The following NOS1AP variants were observed in gnomAD, a reference collection of about 807,000 sequenced individuals.
NOS1AP encodes the protein nitric oxide synthase 1 adaptor protein, also known as carboxyl-terminal PDZ ligand of neuronal nitric oxide synthase protein.
NOS1AP carries 21 observed loss-of-function variants against 56.2 expected under a neutral mutation model. That is an observed-to-expected ratio of 0.37 (90% CI 0.26 to 0.54). The LOEUF is 0.54. NOS1AP is among the 20% of genes least tolerant of loss of function. The pLI is 0.84. For missense variants in NOS1AP, 522 were observed against 657.8 expected (o/e 0.79, Z 2.26); for synonymous variants, 270 against 274.6 (o/e 0.98, Z 0.17).
rs1483879517 is a variant in NOS1AP at position 162,367,121 on chromosome 1, C to T, written c.1175C>T (p.Thr392Met). The T allele has an allele frequency of 5.6e-6, 9 of 1,613,752 alleles. No homozygotes were observed. In the African/African-American group the frequency reaches 8.0e-5, roughly 14 times the overall value. ...SGALPVLCDP[T>M]TPKPEDLHSP... ...GCCCTGCCCGTGCTCTGTGACCCCACGACCCCTAAGCCAGAGGACCTGCAT... is the reference window on the plus strand; with the variant it reads ...GCCCTGCCCGTGCTCTGTGACCCCATGACCCCTAAGCCAGAGGACCTGCAT... The change falls in exon 10 of 10, where the codon ACG becomes ATG. Residue 392 changes from threonine to methionine, a missense_variant. By Grantham distance (81) the Thr-to-Met change is moderately conservative. Transcript: ENST00000361897. This position sits in a 1 kb window ranked among gnomAD's most constrained non-coding sequence, Gnocchi z 6.5.
intron 3 of NOS1AP, among the ~76,000 whole-genome samples, chr1:162,294,642 A>G (rs1398656086): frequency 3.9e-5 from 6 of 152,204 alleles, no homozygotes; most frequent in Admixed American, 3.9e-4. Flanking sequence ...ATTCATAAAC[A>G]AAGAGAAGAG....
intron 2 of NOS1AP, among the ~76,000 whole-genome samples, chr1:162,214,970 A>G (rs1652510486): frequency 6.6e-6 from 1 of 152,226 alleles, no homozygotes. Context: ...AGGCTACATC[A>G]GTGAGTGGAG....
chr1:162,297,384 A>G (rs534705782), intron 3 of NOS1AP, among the ~76,000 whole-genome samples: 1 of 152,332 alleles, frequency 6.6e-6, no homozygotes, highest in South Asian at 2.1e-4. Flanking sequence ...ATGCCACCGC[A>G]GCCACTTCCT....
At chr1:162,357,206 G>C (rs1164170610) in intron 8 of NOS1AP, 70 bp downstream of exon 8, 1 of 1,562,362 alleles carries the variant, frequency 6.4e-7, no homozygotes, top group African/African-American at 1.4e-5. Context: ...CCCTAGCGAG[G>C]GGCTCAGGGC....
At position 162,217,267 on chromosome 1, in the gene NOS1AP, C is replaced by CTTTTTTTTTTTTTTTTTTTTTTTTTT. The variant is rs61378473; in HGVS notation, c.177+62805_177+62806insTTTTTTTTTTTTTTTTTTTTTTTTTT. On this transcript the variant is annotated intron_variant, in intron 2 of 9. Transcript: ENST00000361897. ...TGGGTCCTGAAACAGCTGTTGTTAG[C>CTTTTTTTTTTTTTTTTTTTTTTTTTT]TTTTTTTTTTTTTTGAGATGAAGTC... is the stretch of plus-strand genomic sequence containing the variant. Among the ~76,000 whole-genome samples the CTTTTTTTTTTTTTTTTTTTTTTTTTT allele has an allele frequency of 1.5e-3, 105 of 68,374 alleles. 29 individuals are homozygous for CTTTTTTTTTTTTTTTTTTTTTTTTTT. The highest frequency in any genetic ancestry group is 2.8e-3 in the African/African-American group (47 of 16,934). The allele number at this position is 68,374 out of a possible 152,430, so 44.9% of individuals were successfully genotyped here. A position where few individuals can be genotyped will look rare whatever the true frequency, so the allele number is the denominator to read the frequency against.
At chr1:162,356,159 G>A (rs565239969) in intron 7 of NOS1AP, among the ~76,000 whole-genome samples, 1 of 152,262 alleles carries the variant, frequency 6.6e-6, no homozygotes, top group South Asian at 2.1e-4. Flanking sequence ...TCCTCTACAA[G>A]TGGAAACAGC....
intron 2 of NOS1AP, among the ~76,000 whole-genome samples, chr1:162,286,079 C>G (rs1180941146): frequency 1.3e-5 from 2 of 152,142 alleles, no homozygotes; most frequent in Admixed American, 1.3e-4. Context: ...AGACTCAGGA[C>G]AGTAGGAAGC....
chr1:162,155,157 C>G (rs572131665), intron 2 of NOS1AP, among the ~76,000 whole-genome samples: 67 of 151,246 alleles, frequency 4.4e-4, no homozygotes, highest in African/African-American at 1.6e-3. Context: ...AGCTAGTTAA[C>G]AAAATGGTTT....
At chr1:162,190,060 C>T (rs1387654486) in intron 2 of NOS1AP, among the ~76,000 whole-genome samples, 1 of 152,090 alleles carries the variant, frequency 6.6e-6, no homozygotes, top group Non-Finnish European at 1.5e-5. Context: ...AGTTTCTCAC[C>T]CTTTTGTAAT....
intron 1 of NOS1AP, among the ~76,000 whole-genome samples, chr1:162,102,799 G>A (rs964167731): frequency 1.3e-5 from 2 of 151,948 alleles, no homozygotes; most frequent in Non-Finnish European, 2.9e-5. Flanking sequence ...TAATATTTCT[G>A]ATTGTGTTTA....
At chr1:162,088,364 T>A (rs984405113) in intron 1 of NOS1AP, among the ~76,000 whole-genome samples, 14 of 152,180 alleles carry the variant, frequency 9.2e-5, no homozygotes, top group Admixed American at 2.0e-4. Context: ...TCTTATTTCA[T>A]ATGTTCAGGC....
At chr1:162,360,156 T>C (rs1010062375) in intron 8 of NOS1AP, among the ~76,000 whole-genome samples, 1 of 152,142 alleles carries the variant, frequency 6.6e-6, no homozygotes, top group Admixed American at 6.5e-5. Context: ...GGTTCTGAGC[T>C]GGTCTCAAAG....
chr1:162,141,297 C>T (rs1649226612), intron 1 of NOS1AP, among the ~76,000 whole-genome samples: 1 of 152,202 alleles, frequency 6.6e-6, no homozygotes, highest in African/African-American at 2.4e-5. Flanking sequence ...GAAAGTGGTG[C>T]AGCTGGAATT....
At chr1:162,299,662 A>G (rs1655577444) in intron 3 of NOS1AP, among the ~76,000 whole-genome samples, 1 of 152,226 alleles carries the variant, frequency 6.6e-6, no homozygotes, top group Admixed American at 6.5e-5. Context: ...TGTCTATAAA[A>G]CAGTGTTTGA....
intron 2 of NOS1AP, among the ~76,000 whole-genome samples, chr1:162,202,566 T>A (rs2102168159): frequency 6.6e-6 from 1 of 152,270 alleles, no homozygotes; most frequent in East Asian, 1.9e-4. Flanking sequence ...TTTCCTCTAA[T>A]GTGGGCCATT....
intron 4 of NOS1AP, among the ~76,000 whole-genome samples, chr1:162,308,254 GGGAAAACA>G (rs1655907521): frequency 1.3e-5 from 2 of 152,224 alleles, no homozygotes; most frequent in Non-Finnish European, 2.9e-5. Context: ...CCCAGGTGCA[GGGAAAACA>G]GAAAGCCATC....
At chr1:162,274,730 A>G (rs17425971) in intron 2 of NOS1AP, among the ~76,000 whole-genome samples, 3,829 of 152,320 alleles carry the variant, frequency 0.025, 69 homozygotes, top group Non-Finnish European at 0.038. Context: ...GTGGGCAGAT[A>G]TAATTTTTTA....
At chr1:162,166,560 T>C (rs1378546074) in intron 2 of NOS1AP, among the ~76,000 whole-genome samples, 2 of 152,220 alleles carry the variant, frequency 1.3e-5, no homozygotes, top group African/African-American at 2.4e-5. Context: ...TTCCCTGATG[T>C]TGGCAGAGTA....
intron 2 of NOS1AP, among the ~76,000 whole-genome samples, chr1:162,186,453 T>C (rs1285190241): frequency 3.3e-5 from 5 of 152,048 alleles, no homozygotes; most frequent in African/African-American, 1.2e-4. Context: ...TCTCTCCCAC[T>C]GGCCAGAAAT....
Sources: allele counts gnomAD v4.1 joint callset (sites outside exome capture counted in the v4.1 genomes callset), GRCh38; gene constraint gnomAD v4.1.1; non-coding constraint Gnocchi (gnomAD v3.1); transcripts MANE v1.5; gene names NCBI Gene and HGNC (gene_info 2026-07-23, HGNC 2026-07-21).